Variants in TYW1B observed in about 807,000 individuals in gnomAD.
The protein encoded by TYW1B is tRNA-yW synthesizing protein 1 homolog B.
TYW1B carries 73 observed loss-of-function variants against 86.9 expected under a neutral mutation model. The observed-to-expected ratio is 0.84, with a 90% CI of 0.70 to 1.02. The LOEUF (loss-of-function observed/expected upper bound fraction) is 1.02, where lower values mean the gene tolerates loss of function less well. TYW1B is among the 50% of genes least tolerant of loss of function. The pLI is 0.00. For missense variants in TYW1B, 637 were observed against 827.4 expected, an observed-to-expected ratio of 0.77 and a Z score of 2.82; for synonymous variants, 248 against 292.8, an observed-to-expected ratio of 0.85 and a Z score of 1.56.
intron 11 of TYW1B, among the ~76,000 whole-genome samples, chr7:72,649,783 T>C (rs1237752484): frequency 4.6e-5 from 7 of 152,174 alleles, no homozygotes; most frequent in African/African-American, 1.7e-4. Flanking sequence ...TCCAGAAATA[T>C]TACTTGTACC....
intron 11 of TYW1B, among the ~76,000 whole-genome samples, chr7:72,668,054 A>G (rs113538216): frequency 1.3e-5 from 2 of 152,034 alleles, no homozygotes; most frequent in Non-Finnish European, 2.9e-5. Flanking sequence ...CACACTACCC[A>G]TGTATTTGGT....
chr7:72,649,638 G>A (rs1554442506), intron 11 of TYW1B, among the ~76,000 whole-genome samples: 1 of 152,180 alleles, frequency 6.6e-6, no homozygotes, highest in East Asian at 1.9e-4. Context: ...GCAGAAGACA[G>A]GGTATGAGAA....
At chr7:72,703,022 ATATAT>A (rs1163519977) in intron 10 of TYW1B, among the ~76,000 whole-genome samples, 113 of 7,142 alleles carry the variant, frequency 0.016, no homozygotes, top group East Asian at 0.063. Context: ...ATATATATAT[ATATAT>A]TTTTTTTTTT....
intron 11 of TYW1B, among the ~76,000 whole-genome samples, chr7:72,637,691 TAAA>T (rs782101283): frequency 6.9e-6 from 1 of 143,974 alleles, no homozygotes; most frequent in African/African-American, 2.5e-5. Context: ...CTTTTCTTTT[TAAA>T]AAAAAAAAAA....
chr7:72,752,282 CAG>C (rs1414543933), intron 7 of TYW1B, among the ~76,000 whole-genome samples: 2 of 150,094 alleles, frequency 1.3e-5, no homozygotes, highest in African/African-American at 4.9e-5. Context: ...TATACAGTGA[CAG>C]AAAGCAAATC....
At chr7:72,621,512 A>G (rs1345692035) in intron 12 of TYW1B, among the ~76,000 whole-genome samples, 1 of 152,184 alleles carries the variant, frequency 6.6e-6, no homozygotes, top group Non-Finnish European at 1.5e-5. Context: ...CTGCCCACTC[A>G]GCATCCTGTC....
chr7:72,740,219 T>C (rs113801201), intron 8 of TYW1B, among the ~76,000 whole-genome samples: 6 of 149,602 alleles, frequency 4.0e-5, no homozygotes, highest in African/African-American at 1.5e-4. Flanking sequence ...GGCGACAGAG[T>C]GAGACTCTGT....
chr7:72,728,780 T>C (rs782800842), intron 9 of TYW1B, 42 bp downstream of exon 9: 5 of 1,573,098 alleles, frequency 3.2e-6, no homozygotes, highest in Non-Finnish European at 4.3e-6. Flanking sequence ...ATTCAGACTA[T>C]TAACAAGTAT....
intron 10 of TYW1B, among the ~76,000 whole-genome samples, chr7:72,701,999 T>C (rs1168611797): frequency 6.6e-6 from 1 of 152,154 alleles, no homozygotes; most frequent in Non-Finnish European, 1.5e-5. Flanking sequence ...ACAGCCCTGA[T>C]CGTGTGAGTG....
intron 7 of TYW1B, among the ~76,000 whole-genome samples, chr7:72,752,234 C>T (rs782314321): frequency 2.0e-4 from 31 of 152,222 alleles, no homozygotes; most frequent in Admixed American, 3.3e-4. Context: ...CTTGAGGGGG[C>T]TGCAGGCTGG....
At chr7:72,827,418 C>T (rs7790102) in intron 1 of TYW1B, among the ~76,000 whole-genome samples, 4 of 151,238 alleles carry the variant, frequency 2.6e-5, no homozygotes, top group Non-Finnish European at 4.4e-5. Flanking sequence ...GTGGGGGGGG[C>T]GGGGGAATCA....
At chr7:72,826,161 G>A (rs1391257777) in intron 2 of TYW1B, among the ~76,000 whole-genome samples, 6 of 152,122 alleles carry the variant, frequency 3.9e-5, no homozygotes, top group Admixed American at 1.3e-4. Flanking sequence ...TCTTTCTCTC[G>A]AAGGGAGACA....
At chr7:72,660,846 C>A (rs1272020346) in intron 11 of TYW1B, among the ~76,000 whole-genome samples, 3 of 151,952 alleles carry the variant, frequency 2.0e-5, no homozygotes, top group African/African-American at 7.3e-5. Flanking sequence ...GAATTAGGTT[C>A]TAATGGTGAG....
chr7:72,613,407 T>C (rs1811986057), intron 13 of TYW1B, among the ~76,000 whole-genome samples: 1 of 128,684 alleles, frequency 7.8e-6, no homozygotes, highest in South Asian at 2.6e-4. Flanking sequence ...TCTTCTTTTT[T>C]TTTTTTTTTT....
chr7:72,681,719 C>T (rs1341857641), intron 11 of TYW1B, among the ~76,000 whole-genome samples: 2 of 151,326 alleles, frequency 1.3e-5, no homozygotes, highest in African/African-American at 2.4e-5. Flanking sequence ...CTCAGCCTCC[C>T]GAGTAGCTGG....
chr7:72,647,868 T>G (rs1554442241), intron 11 of TYW1B, among the ~76,000 whole-genome samples: 1 of 152,068 alleles, frequency 6.6e-6, no homozygotes, highest in African/African-American at 2.4e-5. Flanking sequence ...TTGTATTTTT[T>G]AGTAGAGATG....
At chr7:72,703,304 G>A (rs3015941) in intron 10 of TYW1B, among the ~76,000 whole-genome samples, 117,644 of 150,974 alleles carry the variant, frequency 0.78, 46,451 homozygotes, top group Middle Eastern at 0.86. Context: ...GATTACAGGC[G>A]TGAGCCACCG....
At chr7:72,669,541 A>C (rs1348134890) in intron 11 of TYW1B, among the ~76,000 whole-genome samples, 2 of 151,878 alleles carry the variant, frequency 1.3e-5, no homozygotes, top group Admixed American at 6.6e-5. Flanking sequence ...CTAGGTGGGC[A>C]GATCATTTGA....
intron 11 of TYW1B, among the ~76,000 whole-genome samples, chr7:72,640,371 T>C (rs1812775091): frequency 6.6e-6 from 1 of 151,980 alleles, no homozygotes; most frequent in South Asian, 2.1e-4. Flanking sequence ...CACGAAAGAC[T>C]AAAGAGAAAA....
Sources: gnomAD v4.1 joint callset for allele counts (sites outside exome capture counted in the v4.1 genomes callset) on GRCh38, gnomAD v4.1.1 for gene constraint, MANE v1.5 for transcripts, NCBI Gene and HGNC (gene_info 2026-07-23, HGNC 2026-07-21) for gene names.